LTBP2: variants seen among roughly 807,000 people sequenced by gnomAD.
LTBP2 encodes latent transforming growth factor beta binding protein 2, also known as latent-transforming growth factor beta-binding protein 2.
A neutral mutation model predicts 210.6 loss-of-function variants in LTBP2; 103 were observed. The observed-to-expected ratio is 0.49, with a 90% CI of 0.42 to 0.58. The LOEUF (loss-of-function observed/expected upper bound fraction) is 0.58. LTBP2 is among the 20% of genes least tolerant of loss of function. The probability of loss-of-function intolerance (pLI) is 0.00; values close to 1 mark genes in which losing one functional copy is unlikely to be tolerated. For missense variants in LTBP2, 2,313 were observed against 2,494.5 expected, an observed-to-expected ratio of 0.93 and a Z score of 1.55; for synonymous variants, 1,007 against 1,015.0, an observed-to-expected ratio of 0.99 and a Z score of 0.15.
chr14:74,577,386 G>A (rs1172083121), intron 3 of LTBP2, among the ~76,000 whole-genome samples: 1 of 152,138 alleles, frequency 6.6e-6, no homozygotes, highest in Non-Finnish European at 1.5e-5. Context: ...GGTCTGCCCT[G>A]GTGAGAGGCT....
Position 74,551,249 on chromosome 14 carries a change from C to T in LTBP2, c.1501G>A (p.Ala501Thr), listed in dbSNP as rs1295494689. Residue 501 changes from alanine to threonine, a missense_variant, in exon 7 of 36, where the codon GCC becomes ACC. Physicochemically the swap from Ala to Thr is moderately conservative, Grantham distance 58. This residue lies in a region of LTBP2 where 1,867 missense variants were observed against 1,976.9 expected (regional missense o/e 0.94). Transcript: ENST00000261978. The part of the protein sequence containing the change: ...VAQVRGGVEE[A>T]LVENSVETRP... Reference sequence around the variant, plus strand: ...GTCTCCACGCTGTTCTCCACTAGGGCCTCCTCCACCCCGCCCCGCACCTGG... The same window carrying T: ...GTCTCCACGCTGTTCTCCACTAGGGTCTCCTCCACCCCGCCCCGCACCTGG... 2 of 1,612,232 alleles carry T rather than the reference C, an allele frequency of 1.2e-6. No homozygotes were observed. Among genetic ancestry groups the T allele is most frequent in the South Asian group, 1.1e-5 (1 of 90,844 alleles).
Position 74,505,127 on chromosome 14 carries a change from T to G in LTBP2, c.4225A>C (p.Thr1409Pro), listed in dbSNP as rs563545867. ...APTGDHAPAP[T>P]RMDCYSGQKG... ...TGCCCGGAGTAGCAGTCCATGCGGG[T>G]GGGGGCCGGGGCATGGTCCCCCGTT... The change falls in exon 29 of 36, where the codon ACC becomes CCC. Residue 1409 changes from threonine (T) to proline (P), a missense_variant. By Grantham distance (38) the Thr-to-Pro change is conservative (BLOSUM62 -1). Around this residue, in one of 3 missense-constraint regions of LTBP2, gnomAD observed 1,867 missense variants for 1,976.9 expected, o/e 0.94. Coordinates refer to ENST00000261978, the MANE Select transcript of LTBP2 (RefSeq NM_000428.3). The G allele has an allele frequency of 1.9e-6, 3 of 1,613,792 alleles. No homozygotes were observed. Among genetic ancestry groups the G allele is most frequent in the African/African-American group, 1.3e-5 (1 of 75,034 alleles).
intron 3 of LTBP2, among the ~76,000 whole-genome samples, chr14:74,556,187 A>G (rs2087726364): frequency 6.6e-6 from 1 of 152,216 alleles, no homozygotes; most frequent in South Asian, 2.1e-4. Flanking sequence ...CAGAGCCTAG[A>G]GTCTCCCTCT....
chr14:74,533,914 G>A (rs930764765), intron 9 of LTBP2, among the ~76,000 whole-genome samples: 1 of 152,174 alleles, frequency 6.6e-6, no homozygotes, highest in Non-Finnish European at 1.5e-5. Context: ...AATTGCTTGT[G>A]AGGGGCACCT....
At position 74,611,344 on chromosome 14, in the gene LTBP2, G is replaced by A. The variant is rs112410182; in HGVS notation, c.494+107C>T. 265 of 1,264,438 alleles carry A rather than the reference G, an allele frequency of 2.1e-4. 1 individual carries two copies. The African/African-American group carries it at 3.6e-3, about 17-fold the overall frequency. 78.3% of individuals were successfully genotyped at this position (1,264,438 alleles called of 1,614,324 possible). On this transcript the variant is annotated intron_variant, in intron 1 of 35. Coordinates refer to ENST00000261978, the MANE Select transcript of LTBP2 (RefSeq NM_000428.3). The stretch of plus-strand genomic sequence containing the variant: ...TGTTTCCCGAAGTACTAAAGACAGA[G>A]GGACGAGGGTATGAGAGCGGCGCCC...
rs571576376 is a variant in LTBP2 at position 74,586,317 on chromosome 14, T to G, written c.566-199A>C. Among the ~76,000 whole-genome samples, 15 of 152,292 alleles carry G rather than the reference T, an allele frequency of 9.8e-5. No individual in the cohort carries two copies. In the East Asian group the frequency reaches 2.9e-3, roughly 29 times the overall value. On this transcript the variant is annotated intron_variant, in intron 2 of 35. Transcript: ENST00000261978. This position sits in a 1 kb window ranked among gnomAD's most constrained non-coding sequence, Gnocchi z 4.6. ...CACAGACCCCCAGGACTTGTTCACC[T>G]CTGATCTCTGGACAACCAAAGACTA...
At chr14:74,529,677 C>T (rs2087325747) in intron 10 of LTBP2, among the ~76,000 whole-genome samples, 1 of 152,190 alleles carries the variant, frequency 6.6e-6, no homozygotes, top group Admixed American at 6.5e-5. Flanking sequence ...ACCAATCAAA[C>T]ACAGAATCAA....
intron 30 of LTBP2, 99 bp from the exon 31 acceptor site, chr14:74,504,153 C>T (rs564532343): frequency 6.8e-7 from 1 of 1,473,492 alleles, no homozygotes; most frequent in East Asian, 2.4e-5. Flanking sequence ...AATCCCAGCT[C>T]TGCCACTTAC....
chr14:74,502,521 G>A, intron 34 of LTBP2, 132 bp downstream of exon 34: 2 of 1,270,814 alleles, frequency 1.6e-6, no homozygotes, highest in African/African-American at 2.9e-5. Context: ...GCCGTGAACG[G>A]GGACCTCTGG....
chr14:74,540,859 A>AT (rs1450730970), intron 8 of LTBP2, among the ~76,000 whole-genome samples: 2 of 90,978 alleles, frequency 2.2e-5, no homozygotes, highest in African/African-American at 8.1e-5. Flanking sequence ...TATATATATT[A>AT]TATATATTTA....
At chr14:74,529,907 C>T (rs542066638) in intron 10 of LTBP2, among the ~76,000 whole-genome samples, 81 of 152,278 alleles carry the variant, frequency 5.3e-4, no homozygotes, top group African/African-American at 1.8e-3. Flanking sequence ...GGAGAGTGGG[C>T]TGAAGAGGAC....
At position 74,562,333 on chromosome 14, in the gene LTBP2, GA is replaced by G. The variant is rs146546864; in HGVS notation, c.831-6641del. On this transcript the variant is annotated intron_variant, in intron 3 of 35. Coordinates refer to ENST00000261978, the MANE Select transcript of LTBP2 (RefSeq NM_000428.3). ...TGGGTAAAGCACAGATTAGAGGGGA[GA>G]GGGGGGAAGGGAAATCATTCCAATT... 8.3e-4 allele frequency among the ~76,000 whole-genome samples: 126 copies of G among 152,324 alleles called. 3 individuals are homozygous for G. The East Asian group carries it at 0.023, about 28-fold the overall frequency.
chr14:74,582,972 G>A (rs988929198), intron 3 of LTBP2, among the ~76,000 whole-genome samples: 5 of 152,160 alleles, frequency 3.3e-5, no homozygotes, highest in Non-Finnish European at 7.4e-5. Context: ...GGTGAGGCAG[G>A]TACTCTGCCC....
At chr14:74,507,060 A>G in intron 26 of LTBP2, 119 bp downstream of exon 26, 1 of 1,580,832 alleles carries the variant, frequency 6.3e-7, no homozygotes, top group Admixed American at 1.7e-5. Context: ...GATGGAAAAT[A>G]TACAAGCTAC....
chr14:74,521,719 C>T (rs1341007860), intron 17 of LTBP2, among the ~76,000 whole-genome samples, 192 bp downstream of exon 17: 1 of 152,214 alleles, frequency 6.6e-6, no homozygotes, highest in Non-Finnish European at 1.5e-5. Context: ...GGATTTCTAC[C>T]CCTCCTTGCC....
At chr14:74,598,401 C>T (rs566179214) in intron 2 of LTBP2, among the ~76,000 whole-genome samples, 1 of 152,316 alleles carries the variant, frequency 6.6e-6, no homozygotes, top group East Asian at 1.9e-4. Context: ...TGGGGAGTTT[C>T]TGGAAGGGCT....
In LTBP2 at chr14:74,507,097, A is replaced by G. The variant is rs1026455007; in HGVS notation, c.3907+82T>C. ...ATCAGCTGCAAAAAATCGTGTCCTC[A>G]GGAGAAAATCATGTCTCGCTCAATA... On this transcript the variant is annotated intron_variant, in intron 26 of 35. Transcript: ENST00000261978. 7.5e-6 allele frequency: 12 copies of G among 1,610,150 alleles called. 1 individual carries two copies. In the African/African-American group the frequency reaches 1.3e-4, roughly 18 times the overall value.
At position 74,521,969 on chromosome 14, in the gene LTBP2, G is replaced by C; in HGVS notation, c.2730C>G (p.Ser910=). ...GRCINRVGSY[S]CFCYPGYTLA... ...GAGTGTAGCCAGGGTAGCAGAAGCA[G>C]GAGTAGGACCCCACGCGGTTGATGC... The change falls in exon 17 of 36, where the codon TCC becomes TCG. Residue 910 remains serine, a synonymous_variant. Coordinates refer to ENST00000261978, the MANE Select transcript of LTBP2 (RefSeq NM_000428.3). 6.2e-7 allele frequency: 1 copy of C among 1,614,192 alleles called. No homozygotes were observed. The highest frequency in any genetic ancestry group is 1.1e-5 in the South Asian group (1 of 91,080).
At chr14:74,606,829 A>G (rs1183054603) in intron 1 of LTBP2, among the ~76,000 whole-genome samples, 1 of 148,768 alleles carries the variant, frequency 6.7e-6, no homozygotes, top group Non-Finnish European at 1.5e-5. Flanking sequence ...GCGACAGAGC[A>G]AGACTCCATC....
Sources: gnomAD v4.1 joint callset for allele counts (sites outside exome capture counted in the v4.1 genomes callset) on GRCh38, gnomAD v4.1.1 for gene constraint, gnomAD v4.1.1 regional missense constraint, Gnocchi (gnomAD v3.1) non-coding constraint, MANE v1.5 for transcripts, NCBI Gene and HGNC (gene_info 2026-07-23, HGNC 2026-07-21) for gene names.